Variants in CC2D2A observed in about 807,000 individuals in gnomAD.
CC2D2A encodes the protein coiled-coil and C2 domain-containing protein 2A.
Under a neutral mutation model 212.9 loss-of-function variants are expected in CC2D2A, and 155 were observed. The observed-to-expected ratio is 0.73, with a 90% CI of 0.64 to 0.83. The LOEUF is 0.83. Among genes scored for constraint, CC2D2A ranks in the 40% least tolerant of loss-of-function variants. The pLI is 0.00. For synonymous variants in CC2D2A, 667 were observed against 686.5 expected (o/e 0.97, Z 0.44); for missense variants, 1,856 against 1,956.2 (o/e 0.95, Z 0.97).
intron 4 of CC2D2A, 141 bp downstream of exon 4, chr4:15,480,968 A>T (rs763544042): frequency 6.2e-6 from 6 of 971,486 alleles, no homozygotes; most frequent in Non-Finnish European, 9.0e-6. Flanking sequence ...CAACTTGGTG[A>T]GTGACTCTAG....
At chr4:15,515,737 A>G (rs1716832094) in intron 9 of CC2D2A, 131 bp from the exon 10 acceptor site, 1 of 891,712 alleles carries the variant, frequency 1.1e-6, no homozygotes, top group Non-Finnish European at 1.7e-6. Context: ...TTCTGCTTTT[A>G]AAAATTAATT....
At chr4:15,586,557 CTATAT>C (rs1293958682) in intron 31 of CC2D2A, among the ~76,000 whole-genome samples, 1 of 152,070 alleles carries the variant, frequency 6.6e-6, no homozygotes, top group Admixed American at 6.6e-5. Flanking sequence ...AAATTACATT[CTATAT>C]TATAATTAGA....
chr4:15,565,997 T>G (rs1719864661), intron 24 of CC2D2A, among the ~76,000 whole-genome samples: 1 of 152,330 alleles, frequency 6.6e-6, no homozygotes, highest in South Asian at 2.1e-4. Context: ...AATGTTCCAA[T>G]TACCTTTGTC....
chr4:15,518,535 GC>G (rs1308436660), intron 11 of CC2D2A, among the ~76,000 whole-genome samples: 2 of 152,214 alleles, frequency 1.3e-5, no homozygotes, highest in African/African-American at 2.4e-5. Flanking sequence ...ACTAGGCAGT[GC>G]CCCAGTAGGA....
At chr4:15,583,509 A>G (rs557127608) in intron 30 of CC2D2A, among the ~76,000 whole-genome samples, 6 of 152,348 alleles carry the variant, frequency 3.9e-5, no homozygotes, top group African/African-American at 1.4e-4. Context: ...CAAAATCAAC[A>G]TCGAAAATTT....
intron 2 of CC2D2A, 85 bp downstream of exon 2, chr4:15,476,056 C>A: frequency 8.7e-7 from 1 of 1,147,932 alleles, no homozygotes; most frequent in Non-Finnish European, 1.3e-6. Flanking sequence ...GGAAGTTAGG[C>A]CAACCAGCAT....
intron 31 of CC2D2A, among the ~76,000 whole-genome samples, chr4:15,586,983 G>A (rs550988898): frequency 6.6e-6 from 1 of 152,124 alleles, no homozygotes; most frequent in Non-Finnish European, 1.5e-5. Flanking sequence ...ACAACTTTGA[G>A]ACATCTATAA....
intron 19 of CC2D2A, among the ~76,000 whole-genome samples, chr4:15,553,598 A>T (rs1316024607): frequency 6.6e-6 from 1 of 152,220 alleles, no homozygotes; most frequent in African/African-American, 2.4e-5. Flanking sequence ...CCTATTTTAC[A>T]GATGGGGGAG....
chr4:15,477,962 GA>G (rs35105297), intron 2 of CC2D2A, among the ~76,000 whole-genome samples: 2 of 151,566 alleles, frequency 1.3e-5, no homozygotes, highest in African/African-American at 2.4e-5. Flanking sequence ...CTAATTTTAG[GA>G]AAAAAAAATC....
At chr4:15,550,732 C>G in intron 17 of CC2D2A, 92 bp from the exon 18 acceptor site, 1 of 926,552 alleles carries the variant, frequency 1.1e-6, no homozygotes, top group South Asian at 3.1e-5. Context: ...GAACAGTGAC[C>G]AGCACAAATA....
At chr4:15,535,021 G>C (rs146609199) in intron 14 of CC2D2A, among the ~76,000 whole-genome samples, 2 of 151,922 alleles carry the variant, frequency 1.3e-5, no homozygotes, top group East Asian at 1.9e-4. Flanking sequence ...AAAAAGGTTA[G>C]TTTTCAGGAC....
At chr4:15,512,680 C>T (rs1716633663) in intron 8 of CC2D2A, among the ~76,000 whole-genome samples, 1 of 152,044 alleles carries the variant, frequency 6.6e-6, no homozygotes, top group African/African-American at 2.4e-5. Context: ...TTAAAATGGG[C>T]CGGGTGCGGT....
At chr4:15,590,527 G>C (rs1042711755) in intron 33 of CC2D2A, among the ~76,000 whole-genome samples, 1 of 151,996 alleles carries the variant, frequency 6.6e-6, no homozygotes, top group Non-Finnish European at 1.5e-5. Context: ...AGAAAAATGA[G>C]TTATGCGATC....
At chr4:15,529,891 TA>T (rs1392232793) in intron 13 of CC2D2A, among the ~76,000 whole-genome samples, 1 of 143,718 alleles carries the variant, frequency 7.0e-6, no homozygotes, top group Non-Finnish European at 1.5e-5. Context: ...TTTTAAATTT[TA>T]TTTTTTTTAA....
chr4:15,569,893 C>T (rs1284955527), intron 27 of CC2D2A, among the ~76,000 whole-genome samples: 1 of 152,106 alleles, frequency 6.6e-6, no homozygotes, highest in Non-Finnish European at 1.5e-5. Flanking sequence ...CATCTAGAGG[C>T]CAGGAATGCC....
At chr4:15,514,665 T>C in intron 8 of CC2D2A, 42 bp from the exon 9 acceptor site, 1 of 1,414,904 alleles carries the variant, frequency 7.1e-7, no homozygotes, top group Non-Finnish European at 9.4e-7. Flanking sequence ...TAACTAAGAA[T>C]CTTAGCATGA....
At chr4:15,520,245 T>C (rs1319063863) in intron 11 of CC2D2A, among the ~76,000 whole-genome samples, 1 of 152,206 alleles carries the variant, frequency 6.6e-6, no homozygotes, top group African/African-American at 2.4e-5. Flanking sequence ...TATAAAATAT[T>C]ATTACTGACA....
Position 15,489,411 on chromosome 4 carries a change from A to G in CC2D2A, c.247+8584A>G, listed in dbSNP as rs1021793960. Among the ~76,000 whole-genome samples, 8 of 152,320 alleles carry G rather than the reference A, an allele frequency of 5.3e-5. 1 individual carries two copies. The East Asian group carries it at 9.6e-4, about 18-fold the overall frequency. On this transcript the variant is annotated intron_variant, in intron 4 of 36. Coordinates refer to ENST00000424120, the MANE Select transcript of CC2D2A (RefSeq NM_001378615.1). ...TCCAAGGATGCACAGTGGAGAATGT[A>G]GGAAATGTCAAGACATTCACCAACG...
chr4:15,471,462 T>C (rs1713814542), intron 1 of CC2D2A, among the ~76,000 whole-genome samples: 1 of 152,078 alleles, frequency 6.6e-6, no homozygotes. Context: ...CCCTCCTCAT[T>C]CCTTTTTTCC....
Sources: gnomAD v4.1 joint callset for allele counts (sites outside exome capture counted in the v4.1 genomes callset) on GRCh38, gnomAD v4.1.1 for gene constraint, MANE v1.5 for transcripts, NCBI Gene and HGNC (gene_info 2026-07-23, HGNC 2026-07-21) for gene names.